HHAT: variants seen among roughly 807,000 people sequenced by gnomAD.
HHAT encodes hedgehog acyltransferase.
In HHAT, 47 loss-of-function variants were observed where a neutral mutation model predicts 70.8. The ratio of observed to expected loss-of-function variants is 0.66; its 90% confidence interval spans 0.53 to 0.85. The LOEUF (loss-of-function observed/expected upper bound fraction) is 0.85. HHAT is among the 40% of genes least tolerant of loss of function. The probability of loss-of-function intolerance (pLI) is 0.00; values close to 1 mark genes in which losing one functional copy is unlikely to be tolerated. For synonymous variants in HHAT, 228 were observed against 247.6 expected, an observed-to-expected ratio of 0.92 and a Z score of 0.74; for missense variants, 609 against 604.8, an observed-to-expected ratio of 1.01 and a Z score of -0.07.
chr1:210,650,495 AG>A (rs201712299), intron 11 of HHAT, among the ~76,000 whole-genome samples: 1,961 of 152,348 alleles, frequency 0.013, 21 homozygotes, highest in Middle Eastern at 0.037. Flanking sequence ...ACCCTTAAAA[AG>A]GGTTGAACTA....
upstream of HHAT, among the ~76,000 whole-genome samples, chr1:210,328,031 T>C (rs2084688994): frequency 6.6e-6 from 1 of 152,138 alleles, no homozygotes; most frequent in South Asian, 2.1e-4. Context: ...TCTCGACCAT[T>C]ACAATGACTG....
intron 7 of HHAT, among the ~76,000 whole-genome samples, chr1:210,434,860 T>C (rs2093338696): frequency 6.6e-6 from 1 of 151,920 alleles, no homozygotes; most frequent in South Asian, 2.1e-4. Flanking sequence ...AAGAAAACTT[T>C]TTAACTTGTA....
chr1:210,528,262 G>A (rs1460603757), intron 9 of HHAT, among the ~76,000 whole-genome samples: 2 of 152,192 alleles, frequency 1.3e-5, no homozygotes, highest in African/African-American at 4.8e-5. Context: ...GATCTTTGGG[G>A]TGGAAGGTGG....
intron 5 of HHAT, among the ~76,000 whole-genome samples, chr1:210,401,026 T>C (rs4844527): frequency 0.67 from 101,881 of 152,176 alleles, 34,794 homozygotes; most frequent in African/African-American, 0.79. Flanking sequence ...TTATAGGGAA[T>C]GCACACATCA....
chr1:210,577,154 C>A (rs1657989086), intron 9 of HHAT, among the ~76,000 whole-genome samples: 1 of 151,318 alleles, frequency 6.6e-6, no homozygotes, highest in African/African-American at 2.4e-5. Flanking sequence ...TTCTTCCTTT[C>A]CAGTTCATAT....
At chr1:210,529,026 T>A (rs887491323) in intron 9 of HHAT, among the ~76,000 whole-genome samples, 7 of 152,154 alleles carry the variant, frequency 4.6e-5, no homozygotes, top group African/African-American at 1.4e-4. Context: ...TGGCTAAGGC[T>A]GGGCGTGGTG....
At chr1:210,536,820 G>A (rs2148650324) in intron 9 of HHAT, among the ~76,000 whole-genome samples, 1 of 152,236 alleles carries the variant, frequency 6.6e-6, no homozygotes, top group South Asian at 2.1e-4. Context: ...TGTTGTGGGA[G>A]CTCTCCTGTG....
intron 11 of HHAT, among the ~76,000 whole-genome samples, chr1:210,626,393 CTATAA>C (rs1669841527): frequency 6.6e-6 from 1 of 152,126 alleles, no homozygotes; most frequent in Admixed American, 6.5e-5. Flanking sequence ...AACTCTGATT[CTATAA>C]AAGTGGAGGG....
intron 7 of HHAT, among the ~76,000 whole-genome samples, chr1:210,426,498 AT>A (rs1381029230): frequency 6.6e-6 from 1 of 151,968 alleles, no homozygotes; most frequent in Non-Finnish European, 1.5e-5. Flanking sequence ...GGCTTTTATT[AT>A]TTTGAGGTAT....
intron 1 of HHAT, among the ~76,000 whole-genome samples, chr1:210,347,778 G>T: frequency 6.6e-6 from 1 of 152,138 alleles, no homozygotes; most frequent in Non-Finnish European, 1.5e-5. Flanking sequence ...TTTGGGGACT[G>T]AGAGGCCTCT....
chr1:210,504,262 A>G (rs12042142), intron 8 of HHAT, among the ~76,000 whole-genome samples: 10,207 of 152,244 alleles, frequency 0.067, 959 homozygotes, highest in East Asian at 0.35. Context: ...TAGCATTAAT[A>G]TAGTTTGGAG....
chr1:210,605,908 G>A (rs1191457399), intron 10 of HHAT, among the ~76,000 whole-genome samples: 3 of 151,786 alleles, frequency 2.0e-5, no homozygotes, highest in African/African-American at 7.3e-5. Flanking sequence ...CCAGGCTGGA[G>A]TGCAGTGGCT....
At chr1:210,537,356 T>A (rs1390604049) in intron 9 of HHAT, among the ~76,000 whole-genome samples, 1 of 152,212 alleles carries the variant, frequency 6.6e-6, no homozygotes, top group East Asian at 1.9e-4. Context: ...AAAGGTGGGC[T>A]GCCCTTCCTT....
intron 6 of HHAT, among the ~76,000 whole-genome samples, chr1:210,411,021 A>G (rs987169510): frequency 1.3e-5 from 2 of 152,234 alleles, no homozygotes; most frequent in Non-Finnish European, 2.9e-5. Flanking sequence ...GCATGACAAA[A>G]TGTACCTCAT....
At position 210,423,063 on chromosome 1, in the gene HHAT, C is replaced by A. The variant is rs569015792; in HGVS notation, c.856+4738C>A. Among the ~76,000 whole-genome samples the A allele has an allele frequency of 3.3e-5, 5 of 152,274 alleles. No individual in the cohort carries two copies. The East Asian group carries it at 7.7e-4, about 23-fold the overall frequency. ...AGATGTCTCTTGAATATAATGATCTCCTTTTCGTTGGATAAATTCACAGTA... is the reference window on the plus strand; with the variant it reads ...AGATGTCTCTTGAATATAATGATCTACTTTTCGTTGGATAAATTCACAGTA... On this transcript the variant is annotated intron_variant, in intron 7 of 11. Transcript: ENST00000261458.
chr1:210,448,813 G>T (rs1016756321), intron 7 of HHAT, among the ~76,000 whole-genome samples: 4 of 152,076 alleles, frequency 2.6e-5, no homozygotes, highest in African/African-American at 9.7e-5. Context: ...TCAGCAGTGA[G>T]GGTCTCCCAG....
At chr1:210,343,961 A>G (rs2086267526) in intron 1 of HHAT, among the ~76,000 whole-genome samples, 1 of 152,168 alleles carries the variant, frequency 6.6e-6, no homozygotes, top group African/African-American at 2.4e-5. Context: ...AGCATTTTAC[A>G]TTTAACCCCT....
At chr1:210,452,961 A>G (rs2093784701) in intron 7 of HHAT, among the ~76,000 whole-genome samples, 1 of 152,230 alleles carries the variant, frequency 6.6e-6, no homozygotes, top group South Asian at 2.1e-4. Context: ...CTGATTGGAG[A>G]TTAAAAACCT....
At chr1:210,613,030 T>G (rs1666907628) in intron 10 of HHAT, among the ~76,000 whole-genome samples, 1 of 152,232 alleles carries the variant, frequency 6.6e-6, no homozygotes, top group Non-Finnish European at 1.5e-5. Context: ...CTTATCAATA[T>G]GTGATTGCAG....
Sources: allele counts gnomAD v4.1 joint callset (sites outside exome capture counted in the v4.1 genomes callset), GRCh38; gene constraint gnomAD v4.1.1; transcripts MANE v1.5; gene names NCBI Gene and HGNC (gene_info 2026-07-23, HGNC 2026-07-21).